The following GALNT8 variants were observed in gnomAD, a reference collection of about 807,000 sequenced individuals.
GALNT8 encodes the protein polypeptide N-acetylgalactosaminyltransferase 8, also known as probable polypeptide N-acetylgalactosaminyltransferase 8.
In GALNT8, 66 loss-of-function variants were observed where a neutral mutation model predicts 62.7. The ratio of observed to expected loss-of-function variants is 1.05; its 90% CI spans 0.86 to 1.29. The LOEUF is 1.29. Ranked by LOEUF, GALNT8 falls within the 50% of genes most tolerant of loss-of-function variation. The probability of loss-of-function intolerance (pLI) is 0.00; values close to 1 mark genes in which losing one functional copy is unlikely to be tolerated. For missense variants in GALNT8, 771 were observed against 791.8 expected, an observed-to-expected ratio of 0.97 and a Z score of 0.32; for synonymous variants, 288 against 294.3, an observed-to-expected ratio of 0.98 and a Z score of 0.22.
chr12:4,772,555 C>G lies in GALNT8; in HGVS notation c.1872C>G (p.Ile624Met). The change falls in exon 11 of 11, where the codon ATC (isoleucine) becomes ATG (methionine). Residue 624 changes from isoleucine (I) to methionine (M), a missense_variant. Physicochemically the swap from Ile to Met is conservative, Grantham distance 10 (BLOSUM62 1). Coordinates refer to ENST00000252318, the MANE Select transcript of GALNT8 (RefSeq NM_017417.2). The stretch of plus-strand genomic sequence containing the variant: ...CCTGTAGCACGCAAGTGTGGGAAAT[C>G]CAGCACACTGTCAGAGACTGGGGTC... ...LQTCSTQVWE[I>M]QHTVRDWGQT... 1 of 1,613,808 alleles carries G rather than the reference C, an allele frequency of 6.2e-7. No individual in the cohort carries two copies. The highest frequency in any genetic ancestry group is 1.7e-5 in the Admixed American group (1 of 60,024).
chr12:4,741,502 C>T (rs189407440), intron 3 of GALNT8, among the ~76,000 whole-genome samples: 24 of 152,224 alleles, frequency 1.6e-4, no homozygotes, highest in Admixed American at 2.6e-4. Context: ...GTCCCCTCAC[C>T]TCTTTGGGAC....
At chr12:4,758,623 TGTGTGTGTGTGTGTGA>T (rs1337277256) in intron 6 of GALNT8, among the ~76,000 whole-genome samples, 943 of 93,738 alleles carry the variant, frequency 0.01, 10 homozygotes, top group African/African-American at 0.031. Context: ...TGTGTGTGTG[TGTGTGTGTGTGTGTGA>T]GAGAGAGAGA....
At chr12:4,763,170 A>T in intron 7 of GALNT8, 83 bp from the exon 8 acceptor site, 1 of 1,088,996 alleles carries the variant, frequency 9.2e-7, no homozygotes. Context: ...AGAAATATGG[A>T]GTCCTTCTCA....
intron 6 of GALNT8, among the ~76,000 whole-genome samples, chr12:4,755,917 C>T (rs1946342747): frequency 6.6e-6 from 1 of 152,172 alleles, no homozygotes; most frequent in Non-Finnish European, 1.5e-5. Context: ...TGTGTTCACT[C>T]TGGGGCTCAG....
intron 2 of GALNT8, among the ~76,000 whole-genome samples, chr12:4,734,130 A>C (rs901443017): frequency 2.0e-5 from 3 of 152,190 alleles, no homozygotes; most frequent in Non-Finnish European, 4.4e-5. Context: ...CTATGATGTG[A>C]GGATTACTCC....
Position 4,763,260 on chromosome 12 carries a change from G to C in GALNT8, c.1367G>C (p.Gly456Ala). 6.2e-7 allele frequency: 1 copy of C among 1,612,780 alleles called. No homozygotes were observed. The highest frequency in any genetic ancestry group is 1.1e-5 in the South Asian group (1 of 91,020). ...TTGGCGTTTTATTTACAGAACTCTG[G>C]AATAGATTTTGGAGACGTTTCTTCC... The part of the protein sequence containing the change: ...LAWNIPLQNS[G>A]IDFGDVSSRM... Residue 456 changes from glycine to alanine, a missense_variant, in exon 8 of 11, where the codon GGA becomes GCA. Transcript: ENST00000252318.
intron 6 of GALNT8, among the ~76,000 whole-genome samples, chr12:4,754,743 G>A (rs562278481): frequency 2.6e-5 from 4 of 152,210 alleles, no homozygotes; most frequent in Admixed American, 1.3e-4. Context: ...CTTACCCACG[G>A]CCCTCAATGT....
chr12:4,765,473 C>A lies in GALNT8; in HGVS notation c.1688C>A (p.Ala563Glu), dbSNP rs756775420. The A allele has an allele frequency of 1.2e-6, 2 of 1,611,256 alleles. No homozygotes were observed. Among genetic ancestry groups the A allele is most frequent in the African/African-American group, 2.7e-5 (2 of 74,284 alleles). The change falls in exon 10 of 11, where the codon GCG becomes GAG. Residue 563 changes from alanine to glutamate, a missense_variant. Coordinates refer to ENST00000252318, the MANE Select transcript of GALNT8 (RefSeq NM_017417.2). ...SDRCLTDPGK[A>E]EKPTLEPCSK... Reference sequence around the variant, plus strand: ...CGCTGCCTGACAGACCCTGGCAAGGCGGAGAAGCCCACCTTAGAACCATGC... The same window carrying A: ...CGCTGCCTGACAGACCCTGGCAAGGAGGAGAAGCCCACCTTAGAACCATGC...
Position 4,726,898 on chromosome 12 carries a change from A to G in GALNT8, c.509+69A>G. The G allele has an allele frequency of 7.4e-7, 1 of 1,346,486 alleles. No individual in the cohort carries two copies. The highest frequency in any genetic ancestry group is 1.0e-6 in the Non-Finnish European group (1 of 973,358). The allele number at this position is 1,346,486 out of a possible 1,614,324, so 83.4% of individuals were successfully genotyped here. On this transcript the variant is annotated intron_variant, in intron 2 of 10. Transcript: ENST00000252318. The surrounding 1 kb of genome is among the most constrained non-coding windows in gnomAD (Gnocchi z 4.1). Reference sequence around the variant, plus strand: ...TTGAGGATGAGCTTTGGGAGCAGTGAACATTGAAGGCTGGGGGAGTGGGGG... The same window carrying G: ...TTGAGGATGAGCTTTGGGAGCAGTGGACATTGAAGGCTGGGGGAGTGGGGG...
At chr12:4,766,631 A>G (rs1024318000) in intron 10 of GALNT8, among the ~76,000 whole-genome samples, 2 of 152,012 alleles carry the variant, frequency 1.3e-5, no homozygotes, top group South Asian at 2.1e-4. Context: ...TTGGCTGACA[A>G]CAGTCTGTGG....
At chr12:4,755,965 C>T (rs1946343112) in intron 6 of GALNT8, among the ~76,000 whole-genome samples, 1 of 152,170 alleles carries the variant, frequency 6.6e-6, no homozygotes, top group African/African-American at 2.4e-5. Context: ...ACAGAAAGCT[C>T]TTCTTACGGT....
At chr12:4,724,373 T>G (rs1310988602) in intron 1 of GALNT8, among the ~76,000 whole-genome samples, 1 of 152,150 alleles carries the variant, frequency 6.6e-6, no homozygotes, top group Non-Finnish European at 1.5e-5. Context: ...AGTTTCAGTA[T>G]AAGTTATGGG....
chr12:4,758,631 TGTGTGTGAGAGAGAGAGA>T (rs1173604483), intron 6 of GALNT8, among the ~76,000 whole-genome samples: 85 of 93,002 alleles, frequency 9.1e-4, no homozygotes, highest in Non-Finnish European at 1.5e-3. Flanking sequence ...TGTGTGTGTG[TGTGTGTGAGAGAGAGAGA>T]GAGAGAGAGA....
chr12:4,753,513 CTTGA>C (rs1228833694), intron 6 of GALNT8, among the ~76,000 whole-genome samples: 2 of 152,084 alleles, frequency 1.3e-5, no homozygotes, highest in Admixed American at 6.6e-5. Flanking sequence ...AGAATTTCTG[CTTGA>C]TTGTTTTTTA....
intron 2 of GALNT8, among the ~76,000 whole-genome samples, chr12:4,730,689 A>G (rs909696175): frequency 5.9e-5 from 9 of 152,108 alleles, no homozygotes; most frequent in African/African-American, 1.7e-4. Flanking sequence ...TGCTTTGGCT[A>G]TTCAGGATAA....
intron 3 of GALNT8, 142 bp downstream of exon 3, chr12:4,739,471 T>C (rs565511201): frequency 1.1e-5 from 7 of 627,878 alleles, no homozygotes; most frequent in Middle Eastern, 2.9e-4. Context: ...TAAGGGTCTA[T>C]TTGTGCTAGC....
chr12:4,762,610 T>C (rs1350714045), intron 7 of GALNT8, among the ~76,000 whole-genome samples: 1 of 152,188 alleles, frequency 6.6e-6, no homozygotes, highest in African/African-American at 2.4e-5. Flanking sequence ...GCGGCCCCAC[T>C]ATGCAGGCCT....
intron 9 of GALNT8, 138 bp downstream of exon 9, chr12:4,764,185 G>C: frequency 1.5e-6 from 1 of 672,758 alleles, no homozygotes; most frequent in Non-Finnish European, 2.7e-6. Flanking sequence ...GTGAAATCCA[G>C]ACCTGCACTT....
At chr12:4,764,150 C>A in intron 9 of GALNT8, 103 bp downstream of exon 9, 1 of 761,634 alleles carries the variant, frequency 1.3e-6, no homozygotes, top group Non-Finnish European at 2.4e-6. Flanking sequence ...GATGGGGAGG[C>A]AGGAGCGGAG....
Sources: allele counts gnomAD v4.1 joint callset (sites outside exome capture counted in the v4.1 genomes callset), GRCh38; gene constraint gnomAD v4.1.1; non-coding constraint Gnocchi (gnomAD v3.1); transcripts MANE v1.5; gene names NCBI Gene and HGNC (gene_info 2026-07-23, HGNC 2026-07-21).